ILRUN: variants seen among roughly 807,000 people sequenced by gnomAD.
ILRUN encodes inflammation and lipid regulator with UBA-like and NBR1-like domains.
ILRUN carries 3 observed loss-of-function variants against 33.8 expected under a neutral mutation model. The ratio of observed to expected loss-of-function variants is 0.09; its 90% CI spans 0.04 to 0.23. The LOEUF (loss-of-function observed/expected upper bound fraction) is 0.23. ILRUN is among the 10% of genes least tolerant of loss of function. The probability of loss-of-function intolerance (pLI) is 1.00; values close to 1 mark genes in which losing one functional copy is unlikely to be tolerated. For missense variants in ILRUN, 210 were observed against 375.1 expected, an observed-to-expected ratio of 0.56 and a Z score of 3.64; for synonymous variants, 124 against 138.9, an observed-to-expected ratio of 0.89 and a Z score of 0.75.
chr6:34,683,469 TATAC>T lies in ILRUN; in HGVS notation c.158+12973_158+12976del, dbSNP rs1398124495. 5.5e-4 allele frequency among the ~76,000 whole-genome samples: 54 copies of T among 97,654 alleles called. 1 individual carries two copies. The highest frequency in any genetic ancestry group is 2.9e-3 in the African/African-American group (44 of 15,084). 64.1% of individuals were successfully genotyped at this position (97,654 alleles called of 152,430 possible). On this transcript the variant is annotated intron_variant, in intron 1 of 4. Coordinates refer to ENST00000374023, the MANE Select transcript of ILRUN (RefSeq NM_024294.4). ...ATATATATACATATATATACATATA[TATAC>T]ACATATATATATACATATATATATA... is the stretch of plus-strand genomic sequence containing the variant.
At chr6:34,639,075 G>C (rs1478418556) in intron 3 of ILRUN, among the ~76,000 whole-genome samples, 1 of 152,182 alleles carries the variant, frequency 6.6e-6, no homozygotes, top group African/African-American at 2.4e-5. Flanking sequence ...CTATAAAATG[G>C]AGAAAGTAAA....
At chr6:34,622,481 G>A (rs1762030885) in intron 3 of ILRUN, among the ~76,000 whole-genome samples, 1 of 151,908 alleles carries the variant, frequency 6.6e-6, no homozygotes, top group Non-Finnish European at 1.5e-5. Context: ...CTAATCACCG[G>A]GGAAATGCAA....
chr6:34,595,956 C>A (rs1258608915), intron 4 of ILRUN: 1 of 975,406 alleles, frequency 1.0e-6, no homozygotes, highest in East Asian at 1.1e-4. Context: ...ACACTGAATG[C>A]AAACACAGAA....
chr6:34,616,780 G>T, intron 3 of ILRUN: 1 of 691,498 alleles, frequency 1.4e-6, no homozygotes, highest in Non-Finnish European at 2.6e-6. Flanking sequence ...AACTCAAATT[G>T]GCATTTATCA....
chr6:34,682,435 T>C (rs1763387458), intron 1 of ILRUN, among the ~76,000 whole-genome samples: 1 of 151,732 alleles, frequency 6.6e-6, no homozygotes, highest in African/African-American at 2.4e-5. Context: ...TTTTTTTGTA[T>C]TTTTAGTAGA....
intron 4 of ILRUN, among the ~76,000 whole-genome samples, chr6:34,594,588 C>A (rs1228675235): frequency 6.6e-6 from 1 of 152,178 alleles, no homozygotes. Flanking sequence ...TGAGGTGTTG[C>A]TTGTTTTGCC....
At chr6:34,678,203 C>A (rs2127382203) in intron 1 of ILRUN, among the ~76,000 whole-genome samples, 1 of 152,154 alleles carries the variant, frequency 6.6e-6, no homozygotes, top group South Asian at 2.1e-4. Context: ...CCAGGCCCGG[C>A]TAATTTTTGT....
intron 1 of ILRUN, among the ~76,000 whole-genome samples, chr6:34,691,302 C>A (rs926698431): frequency 6.6e-6 from 1 of 152,200 alleles, no homozygotes; most frequent in African/African-American, 2.4e-5. Flanking sequence ...AGATATTAAT[C>A]TACAAGTCAT....
chr6:34,689,875 G>A (rs1434010561), intron 1 of ILRUN, among the ~76,000 whole-genome samples: 1 of 151,726 alleles, frequency 6.6e-6, no homozygotes, highest in East Asian at 1.9e-4. Context: ...TTCCATCCAT[G>A]GTGGATGCAA....
intron 3 of ILRUN, chr6:34,616,482 T>C (rs1265398447): frequency 2.4e-5 from 17 of 715,266 alleles, no homozygotes; most frequent in Non-Finnish European, 4.1e-5. Context: ...GACTGAAACA[T>C]GCCCCAACAG....
At chr6:34,594,957 C>T (rs182237728) in intron 4 of ILRUN, among the ~76,000 whole-genome samples, 67 of 152,320 alleles carry the variant, frequency 4.4e-4, no homozygotes, top group Admixed American at 2.5e-3. Context: ...GAACTCCTGG[C>T]CTCAAGTCAT....
intron 3 of ILRUN, among the ~76,000 whole-genome samples, chr6:34,644,145 C>T (rs1421578838): frequency 6.6e-6 from 1 of 152,064 alleles, no homozygotes; most frequent in African/African-American, 2.4e-5. Flanking sequence ...TTAAATTTAA[C>T]ACTAAAAACA....
chr6:34,593,937 A>G (rs771630249), intron 4 of ILRUN, among the ~76,000 whole-genome samples: 7 of 152,136 alleles, frequency 4.6e-5, no homozygotes, highest in Non-Finnish European at 7.3e-5. Context: ...CCAAGCAGGA[A>G]GACCATCGCG....
chr6:34,660,524 A>G (rs962698291), intron 1 of ILRUN, among the ~76,000 whole-genome samples: 5 of 152,214 alleles, frequency 3.3e-5, no homozygotes, highest in Non-Finnish European at 5.9e-5. Flanking sequence ...AGGCATGAAC[A>G]ACAGCATCTT....
chr6:34,638,341 A>T (rs1762407633), intron 3 of ILRUN, among the ~76,000 whole-genome samples: 1 of 152,206 alleles, frequency 6.6e-6, no homozygotes, highest in African/African-American at 2.4e-5. Flanking sequence ...AGAATTTCAG[A>T]TCTCATTTAC....
chr6:34,634,626 CAT>C (rs1762317930), intron 3 of ILRUN, among the ~76,000 whole-genome samples: 1 of 152,032 alleles, frequency 6.6e-6, no homozygotes, highest in East Asian at 1.9e-4. Context: ...TATCATCAAA[CAT>C]AGATGTTAAA....
At chr6:34,593,994 T>C (rs538305544) in intron 4 of ILRUN, among the ~76,000 whole-genome samples, 1 of 152,274 alleles carries the variant, frequency 6.6e-6, no homozygotes, top group African/African-American at 2.4e-5. Context: ...CCCATCCACA[T>C]TTCAGATTCC....
intron 4 of ILRUN, among the ~76,000 whole-genome samples, chr6:34,594,235 T>A (rs1487672959): frequency 2.0e-5 from 3 of 152,160 alleles, no homozygotes; most frequent in Non-Finnish European, 4.4e-5. Context: ...TAAAGGGGCA[T>A]ATGCATTAGA....
intron 3 of ILRUN, among the ~76,000 whole-genome samples, chr6:34,639,871 T>C (rs1285343263): frequency 2.0e-5 from 3 of 152,186 alleles, no homozygotes; most frequent in Non-Finnish European, 4.4e-5. Flanking sequence ...AGTTTTCTCA[T>C]CAATAAAATG....
Sources: allele counts gnomAD v4.1 joint callset (sites outside exome capture counted in the v4.1 genomes callset), GRCh38; gene constraint gnomAD v4.1.1; transcripts MANE v1.5; gene names NCBI Gene and HGNC (gene_info 2026-07-23, HGNC 2026-07-21).